The following TMEM232 variants were observed in gnomAD, a reference collection of about 807,000 sequenced individuals.
The protein encoded by TMEM232 is transmembrane protein 232.
A neutral mutation model predicts 78.8 loss-of-function variants in TMEM232; 80 were observed. The ratio of observed to expected loss-of-function variants is 1.01; its 90% CI spans 0.85 to 1.22. The LOEUF (loss-of-function observed/expected upper bound fraction) is 1.22. TMEM232 is among the 50% of genes most tolerant of loss of function. TMEM232 has a pLI of 0.00. For missense variants in TMEM232, 881 were observed against 742.2 expected (o/e 1.19, Z -2.17); for synonymous variants, 297 against 254.3 (o/e 1.17, Z -1.60).
intron 1 of TMEM232, among the ~76,000 whole-genome samples, chr5:110,713,073 C>T (rs1463444340): frequency 6.6e-6 from 1 of 151,446 alleles, no homozygotes; most frequent in Non-Finnish European, 1.5e-5. Context: ...ACTATTCAGC[C>T]ATAAAAAGGA....
intron 12 of TMEM232, among the ~76,000 whole-genome samples, chr5:110,454,950 A>C (rs1760738452): frequency 6.6e-6 from 1 of 152,008 alleles, no homozygotes; most frequent in South Asian, 2.1e-4. Flanking sequence ...AGACCTACCA[A>C]CCAAAAACAG....
chr5:110,564,553 C>A (rs967789311), intron 11 of TMEM232, among the ~76,000 whole-genome samples: 2 of 151,802 alleles, frequency 1.3e-5, no homozygotes, highest in East Asian at 1.9e-4. Context: ...TAAGATAGAC[C>A]AATAATTTGC....
chr5:110,594,923 T>C (rs1360318868), intron 10 of TMEM232, among the ~76,000 whole-genome samples: 2 of 152,204 alleles, frequency 1.3e-5, no homozygotes, highest in Non-Finnish European at 2.9e-5. Flanking sequence ...TAAGCTCTGC[T>C]AAAGGGCAGA....
chr5:110,624,923 A>G (rs940312727), intron 7 of TMEM232, among the ~76,000 whole-genome samples: 10 of 152,088 alleles, frequency 6.6e-5, no homozygotes, highest in African/African-American at 2.2e-4. Context: ...CTATTTATAA[A>G]CTGTAAAATA....
intron 10 of TMEM232, among the ~76,000 whole-genome samples, chr5:110,601,611 G>A (rs1036793044): frequency 6.6e-6 from 1 of 152,098 alleles, no homozygotes; most frequent in Non-Finnish European, 1.5e-5. Context: ...CCTCTTCAAG[G>A]AGAACTACAA....
At chr5:110,496,136 T>G (rs1414701607) in intron 12 of TMEM232, among the ~76,000 whole-genome samples, 1 of 151,956 alleles carries the variant, frequency 6.6e-6, no homozygotes, top group African/African-American at 2.4e-5. Flanking sequence ...GTTAATGAAT[T>G]TTACAATTAT....
intron 2 of TMEM232, among the ~76,000 whole-genome samples, chr5:110,646,206 T>C (rs945993375): frequency 2.0e-4 from 31 of 151,768 alleles, no homozygotes; most frequent in African/African-American, 5.8e-4. Context: ...CAAATCCCAA[T>C]AGCATTCTTT....
intron 3 of TMEM232, among the ~76,000 whole-genome samples, chr5:110,394,352 G>C (rs767077457): frequency 6.6e-6 from 1 of 152,152 alleles, no homozygotes; most frequent in Non-Finnish European, 1.5e-5. Context: ...GAAATCATCT[G>C]TTGTTGACCA....
At chr5:110,511,382 T>C (rs1457923120) in intron 12 of TMEM232, among the ~76,000 whole-genome samples, 2 of 151,820 alleles carry the variant, frequency 1.3e-5, no homozygotes, top group South Asian at 2.1e-4. Context: ...CCATGGCACA[T>C]GTATACCTAT....
In TMEM232 at chr5:110,568,657, T is replaced by C. The variant is rs550426094; in HGVS notation, c.1277-32A>G. 6 of 1,508,316 alleles carry C rather than the reference T, an allele frequency of 4.0e-6. No individual in the cohort carries two copies. The African/African-American group carries it at 8.5e-5, about 21-fold the overall frequency. The allele number at this position is 1,508,316 out of a possible 1,614,324, so 93.4% of individuals were successfully genotyped here. ...AAAAAGAAAAAGTCTTTGGGAATTA[T>C]CATTTTATTCACCTTGCTAAAGTAT... On this transcript the variant is annotated intron_variant, in intron 10 of 13. Transcript: ENST00000455884.
chr5:110,593,616 T>G (rs1057201300), intron 10 of TMEM232, among the ~76,000 whole-genome samples: 3 of 152,030 alleles, frequency 2.0e-5, no homozygotes, highest in African/African-American at 4.8e-5. Flanking sequence ...AGCTAAAAAT[T>G]AAAACAATTG....
At chr5:110,606,615 T>A (rs1040772216) in intron 8 of TMEM232, among the ~76,000 whole-genome samples, 3 of 151,726 alleles carry the variant, frequency 2.0e-5, no homozygotes, top group African/African-American at 4.8e-5. Context: ...TCACAATAGG[T>A]TTTAATGTTT....
At chr5:110,406,914 C>A (rs913971521) in intron 2 of TMEM232, among the ~76,000 whole-genome samples, 1 of 152,044 alleles carries the variant, frequency 6.6e-6, no homozygotes, top group Non-Finnish European at 1.5e-5. Flanking sequence ...AAGTTGCCAT[C>A]TCTTTAAAAT....
chr5:110,429,256 G>A (rs1561483724), intron 12 of TMEM232, among the ~76,000 whole-genome samples: 3 of 151,724 alleles, frequency 2.0e-5, no homozygotes, highest in Non-Finnish European at 4.4e-5. Flanking sequence ...GGGTAAGAGA[G>A]ATCTACCTGG....
chr5:110,704,273 A>T (rs1388515368), intron 1 of TMEM232, among the ~76,000 whole-genome samples: 21 of 152,188 alleles, frequency 1.4e-4, no homozygotes, highest in Non-Finnish European at 2.9e-5. Context: ...ATACCTGTGC[A>T]GCTATAATCA....
chr5:110,497,570 T>C (rs1765771845), intron 12 of TMEM232, among the ~76,000 whole-genome samples: 1 of 152,134 alleles, frequency 6.6e-6, no homozygotes. Flanking sequence ...CACACAAAAA[T>C]CCATATTTTC....
chr5:110,528,893 A>G (rs1771009395), intron 11 of TMEM232, 58 bp from the exon 12 acceptor site: 1 of 1,229,672 alleles, frequency 8.1e-7, no homozygotes, highest in Non-Finnish European at 1.0e-6. Context: ...GAGAAAAAAA[A>G]TCGTGTATTA....
upstream of TMEM232, chr5:110,738,274 C>T (rs965531878): frequency 3.1e-6 from 4 of 1,275,734 alleles, no homozygotes; most frequent in African/African-American, 4.6e-5. Context: ...TACAGTAGTC[C>T]TCTCAGTTAT....
At chr5:110,455,203 A>C (rs1308307290) in intron 12 of TMEM232, among the ~76,000 whole-genome samples, 1 of 152,130 alleles carries the variant, frequency 6.6e-6, no homozygotes, top group African/African-American at 2.4e-5. Context: ...TGAATATAAC[A>C]ATTAATTCTT....
Sources: gnomAD v4.1 joint callset for allele counts (sites outside exome capture counted in the v4.1 genomes callset) on GRCh38, gnomAD v4.1.1 for gene constraint, MANE v1.5 for transcripts, NCBI Gene and HGNC (gene_info 2026-07-23, HGNC 2026-07-21) for gene names.